The following NOVA1 variants were observed in gnomAD, a reference collection of about 807,000 sequenced individuals.
NOVA1 encodes RNA-binding protein Nova-1.
A neutral mutation model predicts 38.0 loss-of-function variants in NOVA1; 7 were observed. The ratio of observed to expected loss-of-function variants is 0.18; its 90% CI spans 0.10 to 0.35. The LOEUF (loss-of-function observed/expected upper bound fraction) is 0.35. Ranked by LOEUF, NOVA1 falls within the 10% of genes least tolerant of loss-of-function variation. NOVA1 has a pLI of 1.00. For synonymous variants in NOVA1, 270 were observed against 232.5 expected (o/e 1.16, Z -1.47); for missense variants, 460 against 616.0 (o/e 0.75, Z 2.68).
At chr14:26,507,211 C>A (rs1314499886) in intron 2 of NOVA1, among the ~76,000 whole-genome samples, 1 of 151,792 alleles carries the variant, frequency 6.6e-6, no homozygotes, top group African/African-American at 2.4e-5. Context: ...AGATAAAGGG[C>A]ACACCTACTT....
At chr14:26,593,629 C>T (rs1241676032) in intron 2 of NOVA1, 1 of 151,752 alleles carries the variant, frequency 6.6e-6, no homozygotes, top group Non-Finnish European at 1.5e-5. Flanking sequence ...CCATTTTTTT[C>T]CAACAGATAT....
intron 4 of NOVA1, among the ~76,000 whole-genome samples, chr14:26,451,725 A>G (rs891426541): frequency 2.6e-5 from 4 of 152,156 alleles, no homozygotes; most frequent in Non-Finnish European, 5.9e-5. Flanking sequence ...ATGACAGTAA[A>G]CATCTTCCAA....
At chr14:26,491,909 C>A (rs2138358202) in intron 2 of NOVA1, among the ~76,000 whole-genome samples, 1 of 151,718 alleles carries the variant, frequency 6.6e-6, no homozygotes, top group South Asian at 2.1e-4. Flanking sequence ...TTTATCTATT[C>A]TAGGAACCTT....
intron 2 of NOVA1, among the ~76,000 whole-genome samples, chr14:26,488,438 G>A (rs954729989): frequency 3.9e-5 from 6 of 152,250 alleles, no homozygotes; most frequent in African/African-American, 1.4e-4. Flanking sequence ...TTCCCATAAA[G>A]TAGCATCTGC....
chr14:26,496,851 A>G (rs1022990583), intron 2 of NOVA1, among the ~76,000 whole-genome samples: 6 of 152,030 alleles, frequency 3.9e-5, no homozygotes, highest in Non-Finnish European at 7.4e-5. Flanking sequence ...CCATTGATCT[A>G]TATCTCTGTT....
At chr14:26,516,590 T>C (rs75343594) in intron 2 of NOVA1, among the ~76,000 whole-genome samples, 4,102 of 152,312 alleles carry the variant, frequency 0.027, 95 homozygotes, top group Non-Finnish European at 0.04. Context: ...TATTTCCTAT[T>C]TGGCTACTCA....
At position 26,480,139 on chromosome 14, in the gene NOVA1, A is replaced by T; in HGVS notation, c.285T>A (p.Thr95=). 6.2e-7 allele frequency: 1 copy of T among 1,607,660 alleles called. No homozygotes were observed. The highest frequency in any genetic ancestry group is 8.5e-7 in the Non-Finnish European group (1 of 1,177,050). Residue 95 remains threonine, a synonymous_variant, in exon 3 of 5, where the codon ACT becomes ACA. Coordinates refer to ENST00000539517, the MANE Select transcript of NOVA1 (RefSeq NM_002515.3). ...CCTGGATCAAGCACACTCGCTCAGT[A>T]GTACCTGTGGATAAAACATTGATTT... ...LSKSKDFYPG[T]TERVCLIQGT...
chr14:26,565,236 G>A (rs933393044), intron 2 of NOVA1, among the ~76,000 whole-genome samples: 4 of 152,094 alleles, frequency 2.6e-5, no homozygotes, highest in Non-Finnish European at 5.9e-5. Context: ...AGAACAAAAT[G>A]TTACCCTTTT....
At chr14:26,565,125 C>G (rs1198704450) in intron 2 of NOVA1, among the ~76,000 whole-genome samples, 1 of 152,124 alleles carries the variant, frequency 6.6e-6, no homozygotes, top group African/African-American at 2.4e-5. Flanking sequence ...AGAGAATTCA[C>G]TTTTGTAGTT....
chr14:26,573,713 T>C (rs1465917588), intron 2 of NOVA1, among the ~76,000 whole-genome samples: 5 of 152,138 alleles, frequency 3.3e-5, no homozygotes, highest in African/African-American at 1.2e-4. Flanking sequence ...AGCAAGTACA[T>C]TTACAGAGTA....
At chr14:26,455,038 G>A (rs144178307) in intron 4 of NOVA1, among the ~76,000 whole-genome samples, 4 of 152,112 alleles carry the variant, frequency 2.6e-5, no homozygotes, top group Non-Finnish European at 4.4e-5. Context: ...GATAAAATAT[G>A]TACAACAGAT....
At chr14:26,530,518 A>G (rs1889636476) in intron 2 of NOVA1, among the ~76,000 whole-genome samples, 1 of 152,204 alleles carries the variant, frequency 6.6e-6, no homozygotes, top group Non-Finnish European at 1.5e-5. Context: ...ATCTGAAAGC[A>G]AACAGATCAG....
rs1566420300 is a variant in NOVA1, at chr14:26,444,844, C to CAAAA, written c.*3114_*3115insTTTT. On this transcript the variant is annotated 3_prime_UTR_variant, in exon 5 of 5. Transcript: ENST00000539517. ...AGTGATAAAGAAAAAAACAAAAAAA[C>CAAAA]AAACAAACAAACAAACAAAAAAAAA... The CAAAA allele has an allele frequency of 1.3e-4, 18 of 142,906 alleles. No individual in the cohort carries two copies. Among genetic ancestry groups the CAAAA allele is most frequent in the African/African-American group, 4.8e-4 (17 of 35,480 alleles). The allele number at this position is 142,906 out of a possible 1,614,324, so 8.9% of individuals were successfully genotyped here. A position where few individuals can be genotyped will look rare whatever the true frequency, so the allele number is the denominator to read the frequency against.
intron 4 of NOVA1, among the ~76,000 whole-genome samples, chr14:26,461,735 C>G (rs1336711727): frequency 6.7e-6 from 1 of 149,128 alleles, no homozygotes; most frequent in South Asian, 2.1e-4. Context: ...TCAAGACCAG[C>G]CTGACCAACA....
intron 2 of NOVA1, among the ~76,000 whole-genome samples, chr14:26,513,862 T>C (rs1340847619): frequency 1.3e-5 from 2 of 151,744 alleles, no homozygotes; most frequent in Non-Finnish European, 3.0e-5. Context: ...AATATGCTAA[T>C]ACTATTTATA....
chr14:26,495,743 G>A (rs178200), intron 2 of NOVA1, among the ~76,000 whole-genome samples: 80,284 of 144,030 alleles, frequency 0.56, 26,858 homozygotes, highest in Non-Finnish European at 0.73. Flanking sequence ...GAGAATATGC[G>A]GTGTTTGGTT....
At chr14:26,523,462 A>G (rs1045934389) in intron 2 of NOVA1, among the ~76,000 whole-genome samples, 1 of 152,216 alleles carries the variant, frequency 6.6e-6, no homozygotes, top group Non-Finnish European at 1.5e-5. Context: ...ATGAATATGT[A>G]CTGCTAATAA....
At chr14:26,556,826 C>G (rs1190970769) in intron 2 of NOVA1, among the ~76,000 whole-genome samples, 1 of 152,056 alleles carries the variant, frequency 6.6e-6, no homozygotes, top group Non-Finnish European at 1.5e-5. Context: ...GAAAAGACAC[C>G]TCATTAAACA....
intron 2 of NOVA1, among the ~76,000 whole-genome samples, chr14:26,505,674 T>TA (rs964088368): frequency 9.2e-5 from 14 of 152,178 alleles, no homozygotes; most frequent in Non-Finnish European, 1.5e-5. Flanking sequence ...CCTGATAATA[T>TA]ATACACTATG....
Sources: gnomAD v4.1 joint callset for allele counts (sites outside exome capture counted in the v4.1 genomes callset) on GRCh38, gnomAD v4.1.1 for gene constraint, MANE v1.5 for transcripts, NCBI Gene and HGNC (gene_info 2026-07-23, HGNC 2026-07-21) for gene names.